SMOC2: variants seen among roughly 807,000 people sequenced by gnomAD.
The protein encoded by SMOC2 is SPARC-related modular calcium-binding protein 2.
In SMOC2, 39 loss-of-function variants were observed where a neutral mutation model predicts 61.4. That is an observed-to-expected ratio of 0.64 (90% CI 0.49 to 0.83). SMOC2 has a LOEUF of 0.83. Among genes scored for constraint, SMOC2 ranks in the 40% least tolerant of loss-of-function variants. The pLI is 0.00. For missense variants in SMOC2, 556 were observed against 592.9 expected (o/e 0.94, Z 0.65); for synonymous variants, 247 against 239.9 (o/e 1.03, Z -0.27).
rs1257666731 is a variant in SMOC2 at position 168,553,567 on chromosome 6, A to C, written c.637+4364A>C. Among the ~76,000 whole-genome samples the C allele has an allele frequency of 6.6e-6, 1 of 152,230 alleles. No homozygotes were observed. ...ACTTCTTTTCTTACTTGAGCCAGCT[A>C]CTAACATCTTCACAAAATAACAAAC... On this transcript the variant is annotated intron_variant, in intron 7 of 12. Transcript: ENST00000356284. This position sits in a 1 kb window ranked among gnomAD's most constrained non-coding sequence, Gnocchi z 4.2.
chr6:168,573,063 G>T (rs112397924), intron 7 of SMOC2, among the ~76,000 whole-genome samples: 623 of 34,742 alleles, frequency 0.018, 17 homozygotes, highest in African/African-American at 0.064. Flanking sequence ...CCCCGGGTGC[G>T]GGGACCAGGG....
intron 1 of SMOC2, among the ~76,000 whole-genome samples, chr6:168,495,110 C>T (rs1583056304): frequency 6.6e-6 from 1 of 152,364 alleles, no homozygotes; most frequent in East Asian, 1.9e-4. Context: ...GCTCAGGACA[C>T]AGACACCTCC....
At chr6:168,543,546 A>C in intron 4 of SMOC2, 79 bp from the exon 5 acceptor site, 1 of 1,304,612 alleles carries the variant, frequency 7.7e-7, no homozygotes, top group African/African-American at 1.5e-5. Flanking sequence ...TGGAGCAAAA[A>C]TATGTGCATA....
At chr6:168,448,959 C>T (rs1372157963) in intron 1 of SMOC2, among the ~76,000 whole-genome samples, 1 of 152,126 alleles carries the variant, frequency 6.6e-6, no homozygotes, top group Admixed American at 6.5e-5. Context: ...TGATGCCCTG[C>T]TTGCATTTGG....
At position 168,598,941 on chromosome 6, in the gene SMOC2, C is replaced by T. The variant is rs751796702; in HGVS notation, c.761C>T (p.Ser254Phe). 1 of 1,613,494 alleles carries T rather than the reference C, an allele frequency of 6.2e-7. No homozygotes were observed. The highest frequency in any genetic ancestry group is 1.3e-5 in the African/African-American group (1 of 74,844). The change falls in exon 8 of 13, where the codon TCC (serine) becomes TTC (phenylalanine). Residue 254 changes from serine (S) to phenylalanine (F), a missense_variant. Physicochemically the swap from Ser to Phe is radical, Grantham distance 155. Coordinates refer to ENST00000356284, the MANE Select transcript of SMOC2 (RefSeq NM_001166412.2). ...TACAAGCCAGTGCAGTGCCACCCCT[C>T]CACGGGGTACTGCTGGTGCGTCCTG... ...GLYKPVQCHP[S>F]TGYCWCVLVD...
At chr6:168,647,418 C>G (rs1205873267) in intron 9 of SMOC2, among the ~76,000 whole-genome samples, 1 of 152,202 alleles carries the variant, frequency 6.6e-6, no homozygotes, top group Non-Finnish European at 1.5e-5. Flanking sequence ...AATGCCAGAG[C>G]AAAGGGTGGC....
intron 1 of SMOC2, among the ~76,000 whole-genome samples, chr6:168,479,198 G>A (rs1428629623): frequency 2.0e-5 from 3 of 152,092 alleles, no homozygotes; most frequent in Non-Finnish European, 4.4e-5. Flanking sequence ...ATGATTTATG[G>A]TATCAGGTCT....
At chr6:168,558,618 C>T (rs775475798) in intron 7 of SMOC2, among the ~76,000 whole-genome samples, 1 of 152,176 alleles carries the variant, frequency 6.6e-6, no homozygotes, top group Non-Finnish European at 1.5e-5. Context: ...CCCCAGAGCT[C>T]AGTCTGGTTG....
chr6:168,545,171 T>C lies in SMOC2; in HGVS notation c.511+1499T>C, dbSNP rs141467827. On this transcript the variant is annotated intron_variant, in intron 5 of 12. Transcript: ENST00000356284. ...CATGATTAGGAAAATTAATCAAATG[T>C]GGAAAGGGAGGAGGAGATGGAAGGA... Among the ~76,000 whole-genome samples the C allele has an allele frequency of 6.6e-3, 1,004 of 152,104 alleles. 12 individuals carry two copies. Among genetic ancestry groups the C allele is most frequent in the African/African-American group, 0.022 (929 of 41,496 alleles).
intron 7 of SMOC2, among the ~76,000 whole-genome samples, chr6:168,580,219 A>G (rs1246462169): frequency 6.6e-6 from 1 of 152,240 alleles, no homozygotes; most frequent in Non-Finnish European, 1.5e-5. Flanking sequence ...GAAATAAATC[A>G]GAACAGACAC....
At chr6:168,456,790 C>T (rs1313659687) in intron 1 of SMOC2, among the ~76,000 whole-genome samples, 5 of 152,102 alleles carry the variant, frequency 3.3e-5, no homozygotes, top group Admixed American at 1.3e-4. Context: ...CTGGATGCAT[C>T]GTTTTTGGTG....
At chr6:168,464,881 C>T (rs1286775821) in intron 1 of SMOC2, among the ~76,000 whole-genome samples, 1 of 152,214 alleles carries the variant, frequency 6.6e-6, no homozygotes, top group African/African-American at 2.4e-5. Context: ...GCCCTGGAAA[C>T]CTGAGGCAGA....
At chr6:168,663,411 A>C (rs1446934495) in intron 11 of SMOC2, among the ~76,000 whole-genome samples, 4 of 152,218 alleles carry the variant, frequency 2.6e-5, no homozygotes, top group Non-Finnish European at 5.9e-5. Context: ...AAGACTTCAA[A>C]GAGCTCTTGT....
At chr6:168,470,504 G>C (rs1781946444) in intron 1 of SMOC2, among the ~76,000 whole-genome samples, 1 of 151,890 alleles carries the variant, frequency 6.6e-6, no homozygotes. Flanking sequence ...ATGAAACCCT[G>C]TCTCTACCAA....
intron 7 of SMOC2, among the ~76,000 whole-genome samples, chr6:168,574,786 C>T (rs994675182): frequency 6.6e-6 from 1 of 152,184 alleles, no homozygotes; most frequent in Non-Finnish European, 1.5e-5. Flanking sequence ...GGTCTCACTT[C>T]AGACAGCCAG....
At chr6:168,444,313 T>A (rs1041525278) in intron 1 of SMOC2, among the ~76,000 whole-genome samples, 6 of 152,142 alleles carry the variant, frequency 3.9e-5, no homozygotes, top group Non-Finnish European at 7.3e-5. Flanking sequence ...TTGCCATACC[T>A]GGCTTCTCAG....
chr6:168,518,369 C>T (rs889053177), intron 2 of SMOC2, among the ~76,000 whole-genome samples: 2 of 150,144 alleles, frequency 1.3e-5, no homozygotes, highest in Non-Finnish European at 3.0e-5. Flanking sequence ...AATGTGTGTT[C>T]ATGTGCATTG....
At chr6:168,499,507 G>A (rs1782675659) in intron 1 of SMOC2, among the ~76,000 whole-genome samples, 1 of 152,318 alleles carries the variant, frequency 6.6e-6, no homozygotes, top group South Asian at 2.1e-4. Context: ...GCTATGAAGT[G>A]TGCGGCAGAT....
intron 2 of SMOC2, 42 bp downstream of exon 2, chr6:168,510,128 C>A: frequency 6.4e-7 from 1 of 1,571,552 alleles, no homozygotes; most frequent in South Asian, 1.1e-5. Flanking sequence ...TGGGTACATC[C>A]ATCATCAAAA....
Sources: allele counts gnomAD v4.1 joint callset (sites outside exome capture counted in the v4.1 genomes callset), GRCh38; gene constraint gnomAD v4.1.1; non-coding constraint Gnocchi (gnomAD v3.1); transcripts MANE v1.5; gene names NCBI Gene and HGNC (gene_info 2026-07-23, HGNC 2026-07-21).